CTIF: variants seen among roughly 807,000 people sequenced by gnomAD.
CTIF encodes the protein CBP80/20-dependent translation initiation factor.
A neutral mutation model predicts 66.0 loss-of-function variants in CTIF; 21 were observed. The ratio of observed to expected loss-of-function variants is 0.32; its 90% CI spans 0.23 to 0.46. The LOEUF (loss-of-function observed/expected upper bound fraction) is 0.46, where lower values mean the gene tolerates loss of function less well. CTIF is among the 20% of genes least tolerant of loss of function. CTIF has a pLI of 1.00. For missense variants in CTIF, 739 were observed against 812.7 expected (o/e 0.91, Z 1.10); for synonymous variants, 345 against 326.4 (o/e 1.06, Z -0.62).
At chr18:48,858,823 A>G (rs1332329435) in intron 11 of CTIF, among the ~76,000 whole-genome samples, 2 of 152,098 alleles carry the variant, frequency 1.3e-5, no homozygotes, top group African/African-American at 2.4e-5. Flanking sequence ...GGGCTGGGAG[A>G]TGGGATCAGG....
chr18:48,609,442 T>C (rs1598734983), intron 1 of CTIF, among the ~76,000 whole-genome samples: 1 of 152,186 alleles, frequency 6.6e-6, no homozygotes, highest in Admixed American at 6.5e-5. Flanking sequence ...CAACTGATAA[T>C]TGAGTGCTTG....
chr18:48,557,856 G>A (rs954663383), intron 1 of CTIF, among the ~76,000 whole-genome samples: 3 of 152,210 alleles, frequency 2.0e-5, no homozygotes, highest in Non-Finnish European at 4.4e-5. Flanking sequence ...CAGCTGTCTG[G>A]TGTCTGTTCT....
intron 1 of CTIF, among the ~76,000 whole-genome samples, chr18:48,552,575 G>T (rs2088910237): frequency 6.6e-6 from 1 of 152,098 alleles, no homozygotes; most frequent in Admixed American, 6.5e-5. Flanking sequence ...ACGTTCTCTG[G>T]GGTGTCCTTT....
At chr18:48,744,276 C>G (rs1376232843) in intron 7 of CTIF, among the ~76,000 whole-genome samples, 1 of 152,132 alleles carries the variant, frequency 6.6e-6, no homozygotes, top group Non-Finnish European at 1.5e-5. Flanking sequence ...CAGCAGGACC[C>G]CCTTGTGTCA....
chr18:48,735,807 C>T (rs774306926), intron 7 of CTIF, among the ~76,000 whole-genome samples: 11 of 152,138 alleles, frequency 7.2e-5, no homozygotes, highest in Non-Finnish European at 1.3e-4. Flanking sequence ...AAGGAGGAGG[C>T]GCTCCCATTC....
intron 2 of CTIF, among the ~76,000 whole-genome samples, chr18:48,636,244 T>C (rs1426794319): frequency 2.0e-5 from 3 of 152,170 alleles, no homozygotes; most frequent in Admixed American, 2.0e-4. Context: ...ACACCCGTGA[T>C]GTAATAGAGG....
chr18:48,774,898 C>T (rs926736314), intron 9 of CTIF, among the ~76,000 whole-genome samples: 1 of 152,086 alleles, frequency 6.6e-6, no homozygotes, highest in Admixed American at 6.5e-5. Context: ...CGTATTGGAG[C>T]GCCACATATT....
At chr18:48,851,472 C>T (rs1318240872) in intron 10 of CTIF, among the ~76,000 whole-genome samples, 1 of 152,198 alleles carries the variant, frequency 6.6e-6, no homozygotes, top group Non-Finnish European at 1.5e-5. Context: ...GCGTCTCCCT[C>T]TCTCCTCGGA....
chr18:48,619,904 G>A (rs900619903), intron 2 of CTIF, among the ~76,000 whole-genome samples, 159 bp downstream of exon 2: 11 of 152,168 alleles, frequency 7.2e-5, no homozygotes, highest in African/African-American at 2.4e-5. Context: ...TGGGCTTTGG[G>A]ATCCAGGCAG....
chr18:48,839,911 T>G (rs932622331), intron 10 of CTIF, among the ~76,000 whole-genome samples: 1 of 152,106 alleles, frequency 6.6e-6, no homozygotes, highest in African/African-American at 2.4e-5. Context: ...AGCCATGCTT[T>G]CTTTCAAATC....
intron 10 of CTIF, among the ~76,000 whole-genome samples, chr18:48,856,923 T>A (rs1270521041): frequency 1.3e-5 from 2 of 152,320 alleles, no homozygotes; most frequent in East Asian, 3.9e-4. Context: ...GTATCTCAAT[T>A]TAAAAGAGAC....
chr18:48,778,568 G>A (rs1413717521), intron 9 of CTIF, among the ~76,000 whole-genome samples: 1 of 152,192 alleles, frequency 6.6e-6, no homozygotes, highest in Non-Finnish European at 1.5e-5. Flanking sequence ...GGCAGAAGGG[G>A]TAGTTCATGG....
At chr18:48,584,368 G>A (rs912214272) in intron 1 of CTIF, among the ~76,000 whole-genome samples, 1 of 152,052 alleles carries the variant, frequency 6.6e-6, no homozygotes, top group African/African-American at 2.4e-5. Context: ...AAGAAACCAG[G>A]GACTATTACT....
chr18:48,601,271 C>T (rs1385533066), intron 1 of CTIF, among the ~76,000 whole-genome samples: 2 of 152,222 alleles, frequency 1.3e-5, no homozygotes, highest in Admixed American at 6.5e-5. Context: ...AATGTGTTTT[C>T]CCCCACCTTG....
In CTIF at chr18:48,758,418, G is replaced by C. The variant is rs535069901; in HGVS notation, c.1071+13G>C. The C allele has an allele frequency of 7.0e-6, 11 of 1,564,424 alleles. 1 individual carries two copies. In the African/African-American group the frequency reaches 1.4e-4, roughly 19 times the overall value. On this transcript the variant is annotated intron_variant, in intron 8 of 11. Transcript: ENST00000256413. ...GCTAAAGGAAAAGGTACCGGTAATT[G>C]AATTTTTGTTCTTCTCTTGCACCAG...
chr18:48,610,947 A>G (rs1449891249), intron 1 of CTIF, among the ~76,000 whole-genome samples: 1 of 152,196 alleles, frequency 6.6e-6, no homozygotes, highest in Admixed American at 6.5e-5. Context: ...GATGTTGATG[A>G]TTGTAACCCA....
Position 48,664,481 on chromosome 18 carries a change from GACTTC to G in CTIF, c.364_368del (p.Phe122ProfsTer37). On this transcript the variant is annotated frameshift_variant, in exon 5 of 12. Transcript: ENST00000256413. LOFTEE classifies it high-confidence loss of function. ...CTGGGACCTGCAGCCGGAAAAGCTG[GACTTC>G]ACCCAGTTCCACCGCAAAGTCCGAC... 6.2e-7 allele frequency: 1 copy of G among 1,613,660 alleles called. No homozygotes were observed. Among genetic ancestry groups the G allele is most frequent in the Non-Finnish European group, 8.5e-7 (1 of 1,179,986 alleles).
At chr18:48,837,632 T>A (rs1474415954) in intron 10 of CTIF, among the ~76,000 whole-genome samples, 1 of 152,118 alleles carries the variant, frequency 6.6e-6, no homozygotes, top group Non-Finnish European at 1.5e-5. Flanking sequence ...GAGACATTTT[T>A]CTCAGTGGTG....
chr18:48,618,373 G>A (rs903433416), intron 1 of CTIF, among the ~76,000 whole-genome samples: 3 of 152,196 alleles, frequency 2.0e-5, no homozygotes, highest in Non-Finnish European at 4.4e-5. Context: ...CTTTCTTGTG[G>A]TAGTGGTTTG....
Sources: gnomAD v4.1 joint callset for allele counts (sites outside exome capture counted in the v4.1 genomes callset) on GRCh38, gnomAD v4.1.1 for gene constraint, MANE v1.5 for transcripts, NCBI Gene and HGNC (gene_info 2026-07-23, HGNC 2026-07-21) for gene names.